The following ERG variants were observed in gnomAD, a reference collection of about 807,000 sequenced individuals.
ERG encodes transcriptional regulator ERG.
A neutral mutation model predicts 55.3 loss-of-function variants in ERG; 9 were observed. The ratio of observed to expected loss-of-function variants is 0.16; its 90% CI spans 0.10 to 0.28. The LOEUF is 0.28. Among genes scored for constraint, ERG ranks in the 10% least tolerant of loss-of-function variants. The pLI is 1.00. For missense variants in ERG, 434 were observed against 631.6 expected (o/e 0.69, Z 3.35); for synonymous variants, 223 against 237.3 (o/e 0.94, Z 0.55).
chr21:38,559,550 A>G (rs2836514), intron 2 of ERG, among the ~76,000 whole-genome samples: 72,893 of 152,018 alleles, frequency 0.48, 19,604 homozygotes, highest in Non-Finnish European at 0.63. Context: ...AAATCACTGA[A>G]AGAAATTTAA....
chr21:38,471,815 A>C (rs895788510), intron 1 of ERG: 3 of 152,192 alleles, frequency 2.0e-5, no homozygotes, highest in Admixed American at 1.3e-4. Flanking sequence ...TTCCTTTTCT[A>C]ATTACACGTG....
intron 1 of ERG, among the ~76,000 whole-genome samples, chr21:38,581,802 G>A (rs970865623): frequency 1.2e-4 from 18 of 152,174 alleles, no homozygotes; most frequent in African/African-American, 3.9e-4. Context: ...CCAGCACCTT[G>A]GGAGGCCGAG....
At chr21:38,385,494 T>A (rs1158708046) in intron 9 of ERG, among the ~76,000 whole-genome samples, 2 of 152,234 alleles carry the variant, frequency 1.3e-5, no homozygotes, top group Non-Finnish European at 1.5e-5. Flanking sequence ...CCTGTACATA[T>A]CACCCAACTT....
chr21:38,448,722 C>T (rs1484299081), intron 1 of ERG, among the ~76,000 whole-genome samples: 1 of 152,210 alleles, frequency 6.6e-6, no homozygotes, highest in Non-Finnish European at 1.5e-5. Flanking sequence ...CTTTGTCCTC[C>T]CACTTGACTT....
chr21:38,597,296 TTATC>T (rs1297221757), intron 1 of ERG, among the ~76,000 whole-genome samples: 1 of 152,196 alleles, frequency 6.6e-6, no homozygotes, highest in Admixed American at 6.5e-5. Context: ...AGAAATTGGT[TTATC>T]TGTCTATATA....
intron 1 of ERG, among the ~76,000 whole-genome samples, chr21:38,636,283 G>A (rs1184878548): frequency 2.6e-5 from 4 of 152,130 alleles, no homozygotes; most frequent in Non-Finnish European, 5.9e-5. Context: ...TCTCAGTTAT[G>A]TACTTATAGG....
intron 1 of ERG, 130 bp from the exon 2 acceptor site, chr21:38,445,751 C>T (rs746162941): frequency 5.0e-5 from 34 of 683,204 alleles, no homozygotes; most frequent in Admixed American, 8.5e-5. Context: ...CCATTTCTAC[C>T]TTTCAGAAGA....
intron 1 of ERG, among the ~76,000 whole-genome samples, chr21:38,490,336 A>T (rs1021411963): frequency 2.0e-5 from 3 of 152,214 alleles, no homozygotes; most frequent in African/African-American, 7.2e-5. Context: ...TTGAATGAAT[A>T]GTAAAATTAA....
rs1194020924 is a variant in ERG, at chr21:38,382,754, T to G, written c.*649A>C. 9.4e-7 allele frequency: 1 copy of G among 1,066,126 alleles called. No homozygotes were observed. The highest frequency in any genetic ancestry group is 1.6e-5 in the African/African-American group (1 of 61,096). 66.0% of individuals were successfully genotyped at this position (1,066,126 alleles called of 1,614,324 possible). On this transcript the variant is annotated 3_prime_UTR_variant, in exon 10 of 10. Coordinates refer to ENST00000288319, the MANE Select transcript of ERG (RefSeq NM_182918.4). ...TCTATACACATCCTCAGTCCCACCT[T>G]TTAGTTCATAGTCCCGGTAATACTG...
At chr21:38,464,605 G>A (rs769989462) in intron 1 of ERG, among the ~76,000 whole-genome samples, 1 of 152,052 alleles carries the variant, frequency 6.6e-6, no homozygotes, top group Non-Finnish European at 1.5e-5. Context: ...TGGGGTACAT[G>A]TGCAGAACAT....
At chr21:38,545,239 A>G (rs2836501) in intron 2 of ERG, among the ~76,000 whole-genome samples, 3 of 152,028 alleles carry the variant, frequency 2.0e-5, no homozygotes, top group African/African-American at 7.2e-5. Flanking sequence ...TGTTTTCTAT[A>G]TACTTTTTTA....
chr21:38,467,834 T>C (rs1314742866), intron 1 of ERG, among the ~76,000 whole-genome samples: 1 of 152,230 alleles, frequency 6.6e-6, no homozygotes, highest in Non-Finnish European at 1.5e-5. Context: ...GAATATGATG[T>C]AGAAATTGAC....
intron 1 of ERG, among the ~76,000 whole-genome samples, chr21:38,636,759 G>A (rs1465264648): frequency 6.6e-6 from 1 of 152,168 alleles, no homozygotes; most frequent in Non-Finnish European, 1.5e-5. Context: ...GCGGCCCACA[G>A]CCTGACAGGA....
intron 2 of ERG, among the ~76,000 whole-genome samples, chr21:38,441,858 A>G (rs1016758437): frequency 2.0e-5 from 3 of 152,230 alleles, no homozygotes; most frequent in Non-Finnish European, 4.4e-5. Context: ...CCTGGATTGA[A>G]GGCAGATGAG....
intron 2 of ERG, among the ~76,000 whole-genome samples, chr21:38,515,829 C>T (rs1461655225): frequency 2.0e-5 from 3 of 151,940 alleles, no homozygotes; most frequent in African/African-American, 7.2e-5. Flanking sequence ...GATGGTTCAA[C>T]ATACACAAAT....
intron 1 of ERG, among the ~76,000 whole-genome samples, chr21:38,466,300 G>GGTGTGTGTGTGTGTGTGTGTGTGT (rs145670035): frequency 1.3e-4 from 18 of 140,682 alleles, no homozygotes; most frequent in African/African-American, 4.2e-4. Context: ...GATGGTCTGG[G>GGTGTGTGTGTGTGTGTGTGTGTGT]GTGTGTGTGT....
At chr21:38,587,484 G>A (rs943894491), upstream of ERG, among the ~76,000 whole-genome samples, 3 of 151,624 alleles carry the variant, frequency 2.0e-5, no homozygotes, top group Non-Finnish European at 4.4e-5. Flanking sequence ...TCAGCCTCCC[G>A]AGTAGCTGGG....
At chr21:38,376,671 AC>A (rs1987251173), downstream of ERG, among the ~76,000 whole-genome samples, 1 of 152,238 alleles carries the variant, frequency 6.6e-6, no homozygotes, top group East Asian at 1.9e-4. Flanking sequence ...CTTTCCTCTG[AC>A]CCTAAGCATC....
intron 1 of ERG, among the ~76,000 whole-genome samples, chr21:38,584,128 C>T (rs1319113427): frequency 2.0e-5 from 3 of 152,174 alleles, no homozygotes; most frequent in South Asian, 2.1e-4. Flanking sequence ...GACTACTATT[C>T]CTTCCACTGA....
Sources: gnomAD v4.1 joint callset for allele counts (sites outside exome capture counted in the v4.1 genomes callset) on GRCh38, gnomAD v4.1.1 for gene constraint, MANE v1.5 for transcripts, NCBI Gene and HGNC (gene_info 2026-07-23, HGNC 2026-07-21) for gene names.